Variants in CHCHD3 observed in about 807,000 individuals in gnomAD.
CHCHD3 encodes the protein MICOS complex subunit MIC19.
CHCHD3 carries 20 observed loss-of-function variants against 38.2 expected under a neutral mutation model. The observed-to-expected ratio is 0.52, with a 90% confidence interval of 0.37 to 0.76. The LOEUF is 0.76. Among genes scored for constraint, CHCHD3 ranks in the 30% least tolerant of loss-of-function variants. The pLI is 0.00. For synonymous variants in CHCHD3, 82 were observed against 100.0 expected (o/e 0.82, Z 1.07); for missense variants, 245 against 279.2 (o/e 0.88, Z 0.87).
intron 2 of CHCHD3, among the ~76,000 whole-genome samples, chr7:133,028,417 G>C (rs1813404194): frequency 6.6e-6 from 1 of 152,052 alleles, no homozygotes; most frequent in Non-Finnish European, 1.5e-5. Context: ...TTGTCTGTTT[G>C]TGCTTATGGC....
chr7:132,959,561 G>A (rs933827692), intron 4 of CHCHD3, among the ~76,000 whole-genome samples: 10 of 151,702 alleles, frequency 6.6e-5, no homozygotes, highest in Admixed American at 2.0e-4. Context: ...TGTCTCCGAT[G>A]AAAATACAAA....
In CHCHD3 at chr7:133,043,065, A is replaced by G. The variant is rs890328091; in HGVS notation, c.170-18438T>C. On this transcript the variant is annotated intron_variant, in intron 2 of 7. Coordinates refer to ENST00000262570, the MANE Select transcript of CHCHD3 (RefSeq NM_017812.4). The stretch of plus-strand genomic sequence containing the variant: ...TATTTTTTGTAGAGACAGAGGTTTC[A>G]TTATGTTGTCCAGGCTGGTCTCAAA... Among the ~76,000 whole-genome samples the G allele has an allele frequency of 1.7e-4, 26 of 152,146 alleles. 1 individual carries two copies. Among genetic ancestry groups the G allele is most frequent in the Middle Eastern group, 3.4e-3 (1 of 294 alleles).
At chr7:132,872,697 A>T (rs1808795476) in intron 5 of CHCHD3, among the ~76,000 whole-genome samples, 1 of 152,248 alleles carries the variant, frequency 6.6e-6, no homozygotes, top group African/African-American at 2.4e-5. Context: ...CGCTTAGCTT[A>T]TGGAAGAAAA....
At chr7:132,871,650 A>G (rs1392500995) in intron 5 of CHCHD3, among the ~76,000 whole-genome samples, 1 of 152,176 alleles carries the variant, frequency 6.6e-6, no homozygotes, top group Non-Finnish European at 1.5e-5. Context: ...CCATGAAGGC[A>G]AGGTGGAAAC....
At chr7:132,976,046 A>T (rs1231107975) in intron 3 of CHCHD3, among the ~76,000 whole-genome samples, 1 of 152,146 alleles carries the variant, frequency 6.6e-6, no homozygotes, top group African/African-American at 2.4e-5. Flanking sequence ...CTAGGCATTG[A>T]GGACACAGCG....
At chr7:133,030,439 G>C (rs1327303770) in intron 2 of CHCHD3, among the ~76,000 whole-genome samples, 1 of 152,168 alleles carries the variant, frequency 6.6e-6, no homozygotes, top group African/African-American at 2.4e-5. Context: ...GCTAGTTTAA[G>C]AGAAGCACAA....
chr7:132,935,477 G>A (rs1475436227), intron 4 of CHCHD3, among the ~76,000 whole-genome samples: 2 of 152,156 alleles, frequency 1.3e-5, no homozygotes. Context: ...AAATCTGTGT[G>A]TACTCTGGGT....
intron 4 of CHCHD3, among the ~76,000 whole-genome samples, chr7:132,934,245 A>G (rs1345824045): frequency 6.6e-6 from 1 of 152,196 alleles, no homozygotes; most frequent in African/African-American, 2.4e-5. Flanking sequence ...TTTCCAGGTG[A>G]TGCCAATGCT....
chr7:132,925,161 T>G (rs1810345057), intron 4 of CHCHD3, among the ~76,000 whole-genome samples: 1 of 151,430 alleles, frequency 6.6e-6, no homozygotes, highest in Non-Finnish European at 1.5e-5. Context: ...ATACCAATAA[T>G]GGAGTAGGAA....
intron 4 of CHCHD3, among the ~76,000 whole-genome samples, chr7:132,959,722 C>CAAAA (rs376282108): frequency 4.5e-5 from 2 of 44,130 alleles, no homozygotes; most frequent in Admixed American, 2.3e-4. Flanking sequence ...AACTCCGTCT[C>CAAAA]AAAAAAAAAA....
intron 6 of CHCHD3, among the ~76,000 whole-genome samples, chr7:132,819,389 G>A (rs1807284753): frequency 1.3e-5 from 2 of 152,108 alleles, no homozygotes; most frequent in South Asian, 2.1e-4. Flanking sequence ...ACACACACGA[G>A]AAAACGCACT....
At chr7:132,840,589 C>G (rs1217870955) in intron 5 of CHCHD3, among the ~76,000 whole-genome samples, 1 of 152,040 alleles carries the variant, frequency 6.6e-6, no homozygotes, top group Non-Finnish European at 1.5e-5. Flanking sequence ...TAATATTAGC[C>G]CTGCTTATTT....
At chr7:132,837,510 T>A (rs1383099368) in intron 6 of CHCHD3, among the ~76,000 whole-genome samples, 1 of 152,212 alleles carries the variant, frequency 6.6e-6, no homozygotes, top group African/African-American at 2.4e-5. Context: ...CTTTAATTTT[T>A]AAAAAATTTT....
At chr7:133,031,069 C>T (rs968608887) in intron 2 of CHCHD3, among the ~76,000 whole-genome samples, 1 of 152,134 alleles carries the variant, frequency 6.6e-6, no homozygotes, top group East Asian at 1.9e-4. Flanking sequence ...AATTTCTGGG[C>T]TATAAATTTG....
chr7:133,058,023 T>C (rs1016635530), intron 2 of CHCHD3, among the ~76,000 whole-genome samples: 2 of 152,096 alleles, frequency 1.3e-5, no homozygotes, highest in Non-Finnish European at 2.9e-5. Context: ...CTCAATCCCA[T>C]CAGATTCCCA....
intron 4 of CHCHD3, among the ~76,000 whole-genome samples, chr7:132,917,091 T>C (rs1263732092): frequency 2.0e-5 from 3 of 152,198 alleles, no homozygotes; most frequent in Admixed American, 6.5e-5. Context: ...TATGACTGCA[T>C]TGTTGTTTTT....
intron 4 of CHCHD3, among the ~76,000 whole-genome samples, chr7:132,914,730 T>A: frequency 6.6e-6 from 1 of 152,174 alleles, no homozygotes; most frequent in Non-Finnish European, 1.5e-5. Context: ...CTGACAGAGA[T>A]GTGTGTGCGC....
chr7:133,011,892 C>CTTAT (rs906992560), intron 3 of CHCHD3, among the ~76,000 whole-genome samples: 1 of 152,210 alleles, frequency 6.6e-6, no homozygotes, highest in South Asian at 2.1e-4. Context: ...CTGACATTTA[C>CTTAT]TTATTTATTT....
At chr7:132,838,317 T>A in intron 6 of CHCHD3, 82 bp downstream of exon 6, 1 of 953,898 alleles carries the variant, frequency 1.0e-6, no homozygotes, top group African/African-American at 1.7e-5. Context: ...TATAACAAAC[T>A]ATGATCTGTG....
Sources: gnomAD v4.1 joint callset for allele counts (sites outside exome capture counted in the v4.1 genomes callset) on GRCh38, gnomAD v4.1.1 for gene constraint, MANE v1.5 for transcripts, NCBI Gene and HGNC (gene_info 2026-07-23, HGNC 2026-07-21) for gene names.